Variants in TSNAX observed in about 807,000 individuals in gnomAD.
The protein encoded by TSNAX is translin-associated protein X.
TSNAX carries 12 observed loss-of-function variants against 33.0 expected under a neutral mutation model. That is an observed-to-expected ratio of 0.36 (90% CI 0.23 to 0.59). The LOEUF is 0.59. TSNAX is among the 20% of genes least tolerant of loss of function. The pLI, the probability that TSNAX is intolerant of heterozygous loss-of-function variation, is 0.74. For synonymous variants in TSNAX, 110 were observed against 117.2 expected, an observed-to-expected ratio of 0.94 and a Z score of 0.40; for missense variants, 267 against 341.3, an observed-to-expected ratio of 0.78 and a Z score of 1.72.
intron 4 of TSNAX, among the ~76,000 whole-genome samples, chr1:231,550,048 C>CT (rs1475685905): frequency 2.6e-5 from 4 of 152,200 alleles, no homozygotes; most frequent in Admixed American, 6.5e-5. Context: ...TCTGTTGTCC[C>CT]TGTGTGTCCT....
At chr1:231,532,181 CACACAG>C (rs1340539664) in intron 2 of TSNAX, among the ~76,000 whole-genome samples, 37 of 107,934 alleles carry the variant, frequency 3.4e-4, no homozygotes, top group African/African-American at 1.0e-3. Flanking sequence ...CACACACACA[CACACAG>C]TTTTGGTTTT....
chr1:231,542,415 G>A, intron 3 of TSNAX, 66 bp from the exon 4 acceptor site: 1 of 1,555,402 alleles, frequency 6.4e-7, no homozygotes, highest in South Asian at 1.2e-5. Flanking sequence ...TTGATAATTA[G>A]GTTATTTTAG....
intron 4 of TSNAX, among the ~76,000 whole-genome samples, chr1:231,558,930 C>T (rs1375935262): frequency 6.6e-6 from 1 of 152,058 alleles, no homozygotes; most frequent in Non-Finnish European, 1.5e-5. Context: ...AGGATATTTT[C>T]ATTTAGTTAA....
chr1:231,556,838 T>C (rs201168416), intron 4 of TSNAX, among the ~76,000 whole-genome samples: 1 of 152,228 alleles, frequency 6.6e-6, no homozygotes, highest in Non-Finnish European at 1.5e-5. Context: ...TTGTGAGTTA[T>C]GACTTAACTA....
At chr1:231,560,522 C>T (rs1661031739) in intron 4 of TSNAX, among the ~76,000 whole-genome samples, 1 of 145,100 alleles carries the variant, frequency 6.9e-6, no homozygotes, top group African/African-American at 2.5e-5. Context: ...TCAAGCGATT[C>T]TCCTGCCTCA....
At chr1:231,555,240 C>T (rs1374744248) in intron 4 of TSNAX, among the ~76,000 whole-genome samples, 1 of 152,132 alleles carries the variant, frequency 6.6e-6, no homozygotes, top group African/African-American at 2.4e-5. Context: ...ACAGGAAATT[C>T]TGACATATGT....
At chr1:231,558,518 T>TA (rs1325772038) in intron 4 of TSNAX, among the ~76,000 whole-genome samples, 1 of 152,210 alleles carries the variant, frequency 6.6e-6, no homozygotes, top group Non-Finnish European at 1.5e-5. Context: ...CTTTTAACTT[T>TA]AAAAAATTTT....
At chr1:231,552,940 C>T (rs1192968726) in intron 4 of TSNAX, among the ~76,000 whole-genome samples, 1 of 152,154 alleles carries the variant, frequency 6.6e-6, no homozygotes, top group East Asian at 1.9e-4. Flanking sequence ...TTTTTAATAG[C>T]TGAATTATAG....
At chr1:231,553,494 G>A (rs1660470929) in intron 4 of TSNAX, among the ~76,000 whole-genome samples, 1 of 152,196 alleles carries the variant, frequency 6.6e-6, no homozygotes, top group Non-Finnish European at 1.5e-5. Context: ...GAATATGGCA[G>A]TACGTTGAAA....
At chr1:231,549,929 T>C (rs1461427730) in intron 4 of TSNAX, among the ~76,000 whole-genome samples, 1 of 152,196 alleles carries the variant, frequency 6.6e-6, no homozygotes, top group Non-Finnish European at 1.5e-5. Context: ...AAGTCTGAGA[T>C]CGAGGTGTTG....
At chr1:231,555,925 A>G (rs1437690595) in intron 4 of TSNAX, among the ~76,000 whole-genome samples, 1 of 152,214 alleles carries the variant, frequency 6.6e-6, no homozygotes, top group Non-Finnish European at 1.5e-5. Context: ...GGGAGGAACC[A>G]AAGAGCCTTG....
chr1:231,553,460 A>T (rs767357539), intron 4 of TSNAX, among the ~76,000 whole-genome samples: 7 of 152,218 alleles, frequency 4.6e-5, no homozygotes, highest in Non-Finnish European at 5.9e-5. Flanking sequence ...AGGCTAAGAC[A>T]GAAGGGGAAG....
chr1:231,550,234 C>A (rs957009789), intron 4 of TSNAX, among the ~76,000 whole-genome samples: 1 of 152,154 alleles, frequency 6.6e-6, no homozygotes, highest in African/African-American at 2.4e-5. Flanking sequence ...CAGTCCATAA[C>A]AGATACTTTT....
intron 4 of TSNAX, among the ~76,000 whole-genome samples, chr1:231,558,419 T>C (rs538979470): frequency 2.6e-5 from 4 of 152,288 alleles, no homozygotes; most frequent in South Asian, 2.1e-4. Flanking sequence ...CCAGCTGGCA[T>C]AGGAGACATG....
intron 4 of TSNAX, chr1:231,542,833 T>A: frequency 2.4e-6 from 1 of 419,604 alleles, no homozygotes; most frequent in Non-Finnish European, 4.3e-6. Context: ...ATAAAGTATT[T>A]GAGAACACAG....
intron 4 of TSNAX, among the ~76,000 whole-genome samples, chr1:231,544,438 G>A (rs965134443): frequency 2.6e-5 from 4 of 152,144 alleles, no homozygotes; most frequent in Admixed American, 6.6e-5. Context: ...ACTTCAGTCT[G>A]CTTAAAACTT....
intron 2 of TSNAX, chr1:231,535,658 A>G (rs1659115894): frequency 6.6e-6 from 1 of 152,224 alleles, no homozygotes; most frequent in African/African-American, 2.4e-5. Context: ...TATGTAATAG[A>G]TAGAAACAAA....
chr1:231,528,892 A>G (rs1658446228), intron 1 of TSNAX, 66 bp downstream of exon 1: 2 of 1,604,360 alleles, frequency 1.2e-6, no homozygotes, highest in South Asian at 2.2e-5. Flanking sequence ...CTTTCTATGC[A>G]GTTTTCCCCT....
chr1:231,553,951 G>A (rs369681866), intron 4 of TSNAX, among the ~76,000 whole-genome samples: 24 of 152,284 alleles, frequency 1.6e-4, no homozygotes, highest in African/African-American at 5.8e-4. Context: ...CTCCCAAAGT[G>A]CTGGGATTAC....
Sources: gnomAD v4.1 joint callset for allele counts (sites outside exome capture counted in the v4.1 genomes callset) on GRCh38, gnomAD v4.1.1 for gene constraint, MANE v1.5 for transcripts, NCBI Gene and HGNC (gene_info 2026-07-23, HGNC 2026-07-21) for gene names.